FREM3: variants seen among roughly 807,000 people sequenced by gnomAD.
The protein encoded by FREM3 is FRAS1 related extracellular matrix 3, also known as FRAS1-related extracellular matrix protein 3.
In FREM3, 105 loss-of-function variants were observed where a neutral mutation model predicts 129.1. That is an observed-to-expected ratio of 0.81 (90% CI 0.69 to 0.96). The LOEUF is 0.96. FREM3 is among the 40% of genes least tolerant of loss of function. The pLI, the probability that FREM3 is intolerant of heterozygous loss-of-function variation, is 0.00. For synonymous variants in FREM3, 1,014 were observed against 1,044.9 expected (o/e 0.97, Z 0.57); for missense variants, 2,593 against 2,666.3 (o/e 0.97, Z 0.61).
chr4:143,595,747 G>A (rs1298477219), intron 6 of FREM3, among the ~76,000 whole-genome samples: 1 of 152,120 alleles, frequency 6.6e-6, no homozygotes, highest in African/African-American at 2.4e-5. Flanking sequence ...AATTAGCCAG[G>A]TGTGGTGGCA....
At chr4:143,631,141 A>G (rs1162432700) in intron 2 of FREM3, among the ~76,000 whole-genome samples, 2 of 152,140 alleles carry the variant, frequency 1.3e-5, no homozygotes, top group Non-Finnish European at 2.9e-5. Flanking sequence ...GATCCCAAAT[A>G]CCAACTTCTT....
intron 2 of FREM3, among the ~76,000 whole-genome samples, chr4:143,670,575 C>G (rs1739948254): frequency 6.6e-6 from 1 of 151,972 alleles, no homozygotes; most frequent in African/African-American, 2.4e-5. Flanking sequence ...TCTTTTCAAG[C>G]AAAACGACGT....
intron 2 of FREM3, among the ~76,000 whole-genome samples, chr4:143,675,887 A>T (rs1325914967): frequency 6.6e-6 from 1 of 152,090 alleles, no homozygotes; most frequent in East Asian, 1.9e-4. Context: ...TCTGAAACTG[A>T]GGCAATAATT....
At chr4:143,675,258 A>G (rs1377619345) in intron 2 of FREM3, among the ~76,000 whole-genome samples, 1 of 152,194 alleles carries the variant, frequency 6.6e-6, no homozygotes, top group Admixed American at 6.5e-5. Flanking sequence ...GCTCAACTAC[A>G]TGGAAACTGA....
chr4:143,659,338 C>T (rs765923428), intron 2 of FREM3, among the ~76,000 whole-genome samples: 15 of 151,474 alleles, frequency 9.9e-5, no homozygotes, highest in East Asian at 3.9e-4. Context: ...TGAGAACATG[C>T]GGTGTTTGGT....
rs1461197005 is a variant in FREM3 at position 143,696,863 on chromosome 4, A to T, written c.3813T>A (p.Asp1271Glu). 2.0e-6 allele frequency: 3 copies of T among 1,537,546 alleles called. No individual in the cohort carries two copies. The highest frequency in any genetic ancestry group is 1.4e-5 in the African/African-American group (1 of 73,000). The change falls in exon 1 of 8, where the codon GAT (aspartate) becomes GAA (glutamate). Residue 1271 changes from aspartate (D) to glutamate (E), a missense_variant. Transcript: ENST00000329798. The part of the protein sequence containing the change: ...QEASTIVYEH[D>E]DSETKEDSFE... ...AACTGTCCTCTTTTGTCTCTGAGTC[A>T]TCATGCTCATACACAATGGTGGAGG...
Position 143,700,310 on chromosome 4 carries a change from G to T in FREM3, c.366C>A (p.Arg122=), listed in dbSNP as rs1222233555. ...AGCCGAAGTGAGTGTACTGGACTTG[G>T]CGGGGCCCGAAGGTGCAGGGGAAGC... ...PRRFPCTFGP[R]QVQYTHFGSH... Residue 122 remains arginine, a synonymous_variant, in exon 1 of 8, where the codon CGC becomes CGA. Transcript: ENST00000329798. The T allele has an allele frequency of 3.3e-6, 5 of 1,535,292 alleles. No individual in the cohort carries two copies. Among genetic ancestry groups the T allele is most frequent in the Non-Finnish European group, 4.4e-6 (5 of 1,146,128 alleles).
intron 2 of FREM3, among the ~76,000 whole-genome samples, chr4:143,668,248 A>T (rs1739900526): frequency 6.6e-6 from 1 of 152,210 alleles, no homozygotes; most frequent in South Asian, 2.1e-4. Context: ...TCAAAGAAAT[A>T]AAAAGCAAAT....
At chr4:143,577,907 C>T in intron 7 of FREM3, 55 bp from the exon 8 acceptor site, 1 of 1,493,440 alleles carries the variant, frequency 6.7e-7, no homozygotes, top group Non-Finnish European at 8.9e-7. Context: ...ATAAGTTTTC[C>T]TTCAGAGAAA....
At chr4:143,582,530 C>T (rs188433240) in intron 7 of FREM3, among the ~76,000 whole-genome samples, 13 of 152,270 alleles carry the variant, frequency 8.5e-5, no homozygotes, top group Non-Finnish European at 1.9e-4. Context: ...ATTAAAATTA[C>T]ACCACAGTTA....
In FREM3 at chr4:143,700,602, C is replaced by T. The variant is rs1578878396; in HGVS notation, c.74G>A (p.Ser25Asn). Residue 25 changes from serine (S) to asparagine (N), a missense_variant, in exon 1 of 8, where the codon AGT becomes AAT. Physicochemically the swap from Ser to Asn is conservative, Grantham distance 46 (BLOSUM62 1). This residue lies in a region of FREM3 where 2,276 missense variants were observed against 2,267.2 expected (regional missense o/e 1.00). Transcript: ENST00000329798. ...LLVALACLLL[S>N]RPALQGRASS... Reference sequence around the variant, plus strand: ...TGCCCGTCCCTGCAGCGCGGGGCGACTCAAGAGCAGGCAGGCGAGCGCCAC... The same window carrying T: ...TGCCCGTCCCTGCAGCGCGGGGCGATTCAAGAGCAGGCAGGCGAGCGCCAC... 6.8e-7 allele frequency: 1 copy of T among 1,465,926 alleles called. No individual in the cohort carries two copies. The highest frequency in any genetic ancestry group is 2.5e-5 in the East Asian group (1 of 39,560). 90.8% of individuals were successfully genotyped at this position (1,465,926 alleles called of 1,614,324 possible). A position where few individuals can be genotyped will look rare whatever the true frequency, so the allele number is the denominator to read the frequency against.
chr4:143,669,424 G>C (rs1167586663), intron 2 of FREM3, among the ~76,000 whole-genome samples: 5 of 152,088 alleles, frequency 3.3e-5, no homozygotes, highest in Non-Finnish European at 7.4e-5. Flanking sequence ...CTACAGGCGT[G>C]AACCGCCACG....
At position 143,697,757 on chromosome 4, in the gene FREM3, A is replaced by G. The variant is rs756527371; in HGVS notation, c.2919T>C (p.His973=). The change falls in exon 1 of 8, where the codon CAT becomes CAC. Residue 973 remains histidine (H), a synonymous_variant. Coordinates refer to ENST00000329798, the MANE Select transcript of FREM3 (RefSeq NM_001168235.2). ...AGTCACCTACATCCTTCCTTTTGCC[A>G]TGGATGACACCCATGGTAATTTCAG... ...KATEITMGVI[H]GKRKDVGDLM... The G allele has an allele frequency of 1.2e-4, 191 of 1,537,522 alleles. 1 individual carries two copies. The highest frequency in any genetic ancestry group is 3.3e-4 in the Middle Eastern group (2 of 6,012).
intron 2 of FREM3, among the ~76,000 whole-genome samples, chr4:143,648,334 G>A (rs940196117): frequency 6.6e-6 from 1 of 152,170 alleles, no homozygotes; most frequent in African/African-American, 2.4e-5. Flanking sequence ...GGTTAATTCT[G>A]GAATGAGTTA....
At chr4:143,599,303 C>G (rs559403077) in intron 6 of FREM3, among the ~76,000 whole-genome samples, 1 of 152,084 alleles carries the variant, frequency 6.6e-6, no homozygotes, top group South Asian at 2.1e-4. Flanking sequence ...GGCTAAGGGA[C>G]ACGATATTAG....
intron 6 of FREM3, among the ~76,000 whole-genome samples, chr4:143,604,431 C>T (rs1439887731): frequency 6.6e-6 from 1 of 152,066 alleles, no homozygotes; most frequent in African/African-American, 2.4e-5. Flanking sequence ...GGAGGTTGTC[C>T]CAGGCTGCAG....
At chr4:143,643,073 C>T (rs1469308942) in intron 2 of FREM3, among the ~76,000 whole-genome samples, 1 of 152,116 alleles carries the variant, frequency 6.6e-6, no homozygotes, top group Non-Finnish European at 1.5e-5. Flanking sequence ...TGGGATACCA[C>T]CTCACTCCAG....
In FREM3 at chr4:143,697,843, T is replaced by A; in HGVS notation, c.2833A>T (p.Ile945Phe). The change falls in exon 1 of 8, where the codon ATC (isoleucine) becomes TTC (phenylalanine). Residue 945 changes from isoleucine to phenylalanine, a missense_variant. Physicochemically the swap from Ile to Phe is conservative, Grantham distance 21 (BLOSUM62 0). Transcript: ENST00000329798. ...HPNVANRSPR[I>F]SLRSSSLLDV... is the part of the protein sequence containing the mutation. Reference sequence around the variant, plus strand: ...AATAATGAACTACTTCTGAGAGAGATCCTAGGACTTCTGTTAGCCACATTG... The same window carrying A: ...AATAATGAACTACTTCTGAGAGAGAACCTAGGACTTCTGTTAGCCACATTG... The A allele has an allele frequency of 6.5e-7, 1 of 1,537,712 alleles. No homozygotes were observed. Among genetic ancestry groups the A allele is most frequent in the Non-Finnish European group, 8.7e-7 (1 of 1,146,980 alleles).
chr4:143,592,588 T>C (rs1228524567), intron 6 of FREM3, among the ~76,000 whole-genome samples: 1 of 152,250 alleles, frequency 6.6e-6, no homozygotes, highest in Non-Finnish European at 1.5e-5. Context: ...TTCTGGCTTG[T>C]AGAGTTTCTG....
Sources: gnomAD v4.1 joint callset for allele counts (sites outside exome capture counted in the v4.1 genomes callset) on GRCh38, gnomAD v4.1.1 for gene constraint, gnomAD v4.1.1 regional missense constraint, MANE v1.5 for transcripts, NCBI Gene and HGNC (gene_info 2026-07-23, HGNC 2026-07-21) for gene names.